Variants in MARCHF8 observed in about 807,000 individuals in gnomAD.
MARCHF8 encodes membrane associated ring-CH-type finger 8.
Under a neutral mutation model 51.6 loss-of-function variants are expected in MARCHF8, and 40 were observed. The ratio of observed to expected loss-of-function variants is 0.77; its 90% CI spans 0.60 to 1.01. MARCHF8 has a LOEUF of 1.01. MARCHF8 is among the 50% of genes least tolerant of loss of function. The pLI, the probability that MARCHF8 is intolerant of heterozygous loss-of-function variation, is 0.00. For missense variants in MARCHF8, 685 were observed against 708.6 expected, an observed-to-expected ratio of 0.97 and a Z score of 0.38; for synonymous variants, 263 against 280.3, an observed-to-expected ratio of 0.94 and a Z score of 0.62.
Position 45,583,223 on chromosome 10 carries a change from A to T in MARCHF8, c.-79+11012T>A, listed in dbSNP as rs527763049. Reference sequence around the variant, plus strand: ...AGATACAGAAAAATAAGGGATCGGTAATAGATAATGTTGTAGGCAAGTGAA... The same window carrying T: ...AGATACAGAAAAATAAGGGATCGGTTATAGATAATGTTGTAGGCAAGTGAA... On this transcript the variant is annotated intron_variant, in intron 1 of 6. Transcript: ENST00000319836. 4.6e-5 allele frequency among the ~76,000 whole-genome samples: 7 copies of T among 152,318 alleles called. No homozygotes were observed. The South Asian group carries it at 1.5e-3, about 32-fold the overall frequency.
intron 1 of MARCHF8, among the ~76,000 whole-genome samples, chr10:45,541,581 T>G (rs1166043848): frequency 1.3e-5 from 2 of 151,774 alleles, no homozygotes; most frequent in East Asian, 3.9e-4. Flanking sequence ...ATAATAAAAT[T>G]TTAAAAAAAT....
intron 1 of MARCHF8, among the ~76,000 whole-genome samples, chr10:45,570,386 A>G (rs750425262): frequency 1.3e-5 from 2 of 152,212 alleles, no homozygotes; most frequent in African/African-American, 2.4e-5. Context: ...ATTTACTATA[A>G]TACCAGATGC....
chr10:45,532,137 G>A (rs773275620), intron 2 of MARCHF8, among the ~76,000 whole-genome samples: 10 of 152,018 alleles, frequency 6.6e-5, no homozygotes, highest in Non-Finnish European at 1.0e-4. Flanking sequence ...AGACAGAATG[G>A]TTTCTCTTTC....
intron 2 of MARCHF8, among the ~76,000 whole-genome samples, chr10:45,510,155 G>A (rs115664132): frequency 2.0e-4 from 30 of 152,262 alleles, no homozygotes; most frequent in African/African-American, 6.0e-4. Flanking sequence ...TGTGCACAGA[G>A]AGAAGGCCAT....
chr10:45,534,862 C>A (rs1589158258), intron 1 of MARCHF8, among the ~76,000 whole-genome samples: 1 of 152,232 alleles, frequency 6.6e-6, no homozygotes, highest in East Asian at 1.9e-4. Context: ...AGTAGTGTCA[C>A]TAAGCAAGCA....
chr10:45,517,846 G>T (rs1165220464), intron 2 of MARCHF8, among the ~76,000 whole-genome samples: 1 of 152,108 alleles, frequency 6.6e-6, no homozygotes, highest in Non-Finnish European at 1.5e-5. Context: ...TGATGTCTGG[G>T]TGAACAAATA....
upstream of MARCHF8, among the ~76,000 whole-genome samples, chr10:45,535,818 T>C (rs973268470): frequency 6.6e-6 from 1 of 152,242 alleles, no homozygotes; most frequent in African/African-American, 2.4e-5. Context: ...AATCCAGGCA[T>C]GAGGGCTTCA....
At position 45,463,754 on chromosome 10, in the gene MARCHF8, C is replaced by T. The variant is rs1367894623; in HGVS notation, c.485G>A (p.Gly162Asp). Residue 162 changes from glycine (G) to aspartate (D), a missense_variant, in exon 5 of 8, where the codon GGT (glycine) becomes GAT (aspartate). Coordinates refer to ENST00000453424, the MANE Select transcript of MARCHF8 (RefSeq NM_001282866.2). ...TTCTGAAGTATCCTGCGCCTTCTCA[C>T]CCACATCATTGAGGGACCTTGAGAA... ...LKFSRSLNDV[G>D]EKAQDTSESF... 1 of 1,551,206 alleles carries T rather than the reference C, an allele frequency of 6.4e-7. No homozygotes were observed. Among genetic ancestry groups the T allele is most frequent in the Admixed American group, 2.0e-5 (1 of 51,010 alleles).
In MARCHF8 at chr10:45,458,311, G is replaced by A. The variant is rs773245617; in HGVS notation, c.1650C>T (p.Ile550=). ...AAGAAGAGTTTGTGTCGGAATGACA[G>A]ATTCCATATCCATGTTTATTTTCAA... ...PNFENKHGYG[I]CHSDTNSSCC... is the part of the protein sequence containing the mutation. The change falls in exon 8 of 8, where the codon ATC becomes ATT. Residue 550 remains isoleucine, a synonymous_variant. Transcript: ENST00000453424. 2.2e-5 allele frequency: 36 copies of A among 1,614,018 alleles called. No individual in the cohort carries two copies. The highest frequency in any genetic ancestry group is 3.1e-5 in the Non-Finnish European group (36 of 1,180,034).
intron 1 of MARCHF8, among the ~76,000 whole-genome samples, chr10:45,590,418 A>G (rs71496623): frequency 0.062 from 9,374 of 152,218 alleles, 329 homozygotes; most frequent in Non-Finnish European, 0.066. Flanking sequence ...ACTGGGGAGC[A>G]TGTAGACAGG....
At chr10:45,488,216 G>A (rs1374070725) in intron 3 of MARCHF8, among the ~76,000 whole-genome samples, 2 of 152,156 alleles carry the variant, frequency 1.3e-5, no homozygotes, top group African/African-American at 2.4e-5. Flanking sequence ...TCCAGCTAGA[G>A]GTGGCCTGTG....
At chr10:45,562,649 T>A (rs79779844) in intron 1 of MARCHF8, among the ~76,000 whole-genome samples, 5,921 of 151,576 alleles carry the variant, frequency 0.039, 219 homozygotes, top group African/African-American at 0.093. Flanking sequence ...TTATTTTTTT[T>A]AAAAAAAAGA....
intron 1 of MARCHF8, among the ~76,000 whole-genome samples, chr10:45,562,781 G>A (rs992779314): frequency 6.6e-6 from 1 of 152,066 alleles, no homozygotes; most frequent in Non-Finnish European, 1.5e-5. Flanking sequence ...CATTCCCCAT[G>A]CTAAAAATAA....
chr10:45,488,866 G>A (rs776552042), intron 3 of MARCHF8, among the ~76,000 whole-genome samples: 11 of 151,820 alleles, frequency 7.2e-5, no homozygotes, highest in Non-Finnish European at 1.3e-4. Context: ...TTTTATTCCC[G>A]CCTTCACCCC....
At chr10:45,572,606 C>A (rs951589300) in intron 1 of MARCHF8, among the ~76,000 whole-genome samples, 1 of 152,086 alleles carries the variant, frequency 6.6e-6, no homozygotes, top group East Asian at 1.9e-4. Context: ...AGGTGCCTGA[C>A]GTCCAGGCAT....
intron 2 of MARCHF8, among the ~76,000 whole-genome samples, chr10:45,501,143 G>GTT (rs56810389): frequency 3.3e-4 from 50 of 149,430 alleles, no homozygotes; most frequent in East Asian, 3.1e-3. Flanking sequence ...ATTCTAGCAA[G>GTT]TTTTTTTTTT....
chr10:45,521,020 C>A (rs559465760), intron 2 of MARCHF8, among the ~76,000 whole-genome samples: 1 of 152,130 alleles, frequency 6.6e-6, no homozygotes, highest in Non-Finnish European at 1.5e-5. Flanking sequence ...AACCTGTGAA[C>A]AGCTAAAAAA....
rs375133273 is a variant in MARCHF8 at position 45,567,749 on chromosome 10, C to T, written c.-79+26486G>A. On this transcript the variant is annotated intron_variant, in intron 1 of 6. Transcript: ENST00000319836. ...TCCAGTCTTGTTCTTTTGCTTAGAA[C>T]GGCTTTGGCTATTCTGGGTCTTCTG... 3.9e-5 allele frequency among the ~76,000 whole-genome samples: 6 copies of T among 152,072 alleles called. No individual in the cohort carries two copies. In the East Asian group the frequency reaches 9.6e-4, roughly 24 times the overall value.
At chr10:45,518,844 T>C (rs1335994046) in intron 2 of MARCHF8, among the ~76,000 whole-genome samples, 1 of 152,230 alleles carries the variant, frequency 6.6e-6, no homozygotes, top group East Asian at 1.9e-4. Flanking sequence ...CAGCATCCTA[T>C]CATTGCTCTT....
Sources: gnomAD v4.1 joint callset for allele counts (sites outside exome capture counted in the v4.1 genomes callset) on GRCh38, gnomAD v4.1.1 for gene constraint, MANE v1.5 for transcripts, NCBI Gene and HGNC (gene_info 2026-07-23, HGNC 2026-07-21) for gene names.